The following KCNC2 variants were observed in gnomAD, a reference collection of about 807,000 sequenced individuals.
KCNC2 encodes potassium voltage-gated channel subfamily C member 2.
Under a neutral mutation model 44.5 loss-of-function variants are expected in KCNC2, and 21 were observed. The observed-to-expected ratio is 0.47, with a 90% CI of 0.33 to 0.68. The LOEUF is 0.68. KCNC2 is among the 30% of genes least tolerant of loss of function. The probability of loss-of-function intolerance (pLI) is 0.01; values close to 1 mark genes in which losing one functional copy is unlikely to be tolerated. For synonymous variants in KCNC2, 391 were observed against 339.1 expected (o/e 1.15, Z -1.68); for missense variants, 589 against 826.2 (o/e 0.71, Z 3.52).
At chr12:75,197,051 C>A (rs2030832008) in intron 2 of KCNC2, among the ~76,000 whole-genome samples, 1 of 152,034 alleles carries the variant, frequency 6.6e-6, no homozygotes, top group Admixed American at 6.6e-5. Context: ...ATGAATCATA[C>A]CCAAATCCCA....
intron 2 of KCNC2, among the ~76,000 whole-genome samples, chr12:75,057,059 C>T (rs763023895): frequency 6.6e-6 from 1 of 151,922 alleles, no homozygotes; most frequent in African/African-American, 2.4e-5. Flanking sequence ...CTACAAAAAA[C>T]TTTAAGCATG....
At chr12:75,118,676 GT>G (rs1489524315) in intron 2 of KCNC2, among the ~76,000 whole-genome samples, 1 of 152,168 alleles carries the variant, frequency 6.6e-6, no homozygotes, top group Non-Finnish European at 1.5e-5. Flanking sequence ...TTTTATTCTA[GT>G]TAAGAAGGGA....
chr12:75,092,864 A>T (rs1885602294), intron 2 of KCNC2, among the ~76,000 whole-genome samples: 1 of 151,650 alleles, frequency 6.6e-6, no homozygotes, highest in South Asian at 2.1e-4. Flanking sequence ...GCTGAAAATT[A>T]AGCCTAATAT....
intron 2 of KCNC2, among the ~76,000 whole-genome samples, chr12:75,170,273 G>A (rs1185847759): frequency 3.3e-5 from 5 of 151,686 alleles, no homozygotes; most frequent in Non-Finnish European, 7.4e-5. Context: ...CTTAAAGGGA[G>A]TAAGTGATTT....
intron 2 of KCNC2, among the ~76,000 whole-genome samples, chr12:75,084,183 A>G (rs1884752155): frequency 6.6e-6 from 1 of 151,940 alleles, no homozygotes; most frequent in Admixed American, 6.6e-5. Context: ...ATCGGTATAA[A>G]ATAAAAATCT....
chr12:75,137,126 C>G (rs1463414821), intron 2 of KCNC2, among the ~76,000 whole-genome samples: 1 of 152,132 alleles, frequency 6.6e-6, no homozygotes, highest in Non-Finnish European at 1.5e-5. Flanking sequence ...TAGGGCTTCT[C>G]TTTTCTCTTC....
chr12:75,115,748 G>A (rs1212141106), intron 2 of KCNC2, among the ~76,000 whole-genome samples: 1 of 151,788 alleles, frequency 6.6e-6, no homozygotes, highest in Non-Finnish European at 1.5e-5. Flanking sequence ...GTGATTCTTC[G>A]TATCTTTTTT....
At chr12:75,118,912 G>A (rs182747623) in intron 2 of KCNC2, among the ~76,000 whole-genome samples, 4 of 152,172 alleles carry the variant, frequency 2.6e-5, no homozygotes, top group South Asian at 2.1e-4. Flanking sequence ...ATGCTTTCAC[G>A]GTTTATAGGC....
intron 2 of KCNC2, among the ~76,000 whole-genome samples, chr12:75,072,826 G>A (rs370905401): frequency 3.3e-5 from 5 of 152,026 alleles, no homozygotes; most frequent in Non-Finnish European, 5.9e-5. Flanking sequence ...AAAGGCCTTC[G>A]ATCTGACATG....
Position 75,209,247 on chromosome 12 carries a change from C to T in KCNC2, c.-60G>A, listed in dbSNP as rs967588839. The T allele has an allele frequency of 2.0e-5, 3 of 152,214 alleles. No homozygotes were observed. The highest frequency in any genetic ancestry group is 2.0e-4 in the Admixed American group (3 of 15,280). The allele number at this position is 152,214 out of a possible 1,614,324, so 9.4% of individuals were successfully genotyped here. On this transcript the variant is annotated 5_prime_UTR_variant, in exon 1 of 5. Coordinates refer to ENST00000549446, the MANE Select transcript of KCNC2 (RefSeq NM_139137.4). The stretch of plus-strand genomic sequence containing the variant: ...AGAAAAGTGGTTCTGCTTTGGTTTC[C>T]GAGTGGACGAGGTTCTCTGGGCAGC...
chr12:75,064,695 G>A (rs1400369463), intron 2 of KCNC2, among the ~76,000 whole-genome samples: 2 of 152,014 alleles, frequency 1.3e-5, no homozygotes, highest in African/African-American at 4.8e-5. Flanking sequence ...TGCTTTCAAA[G>A]GTTGACATTG....
chr12:75,086,651 T>A (rs1885020856), intron 2 of KCNC2, among the ~76,000 whole-genome samples: 1 of 88,586 alleles, frequency 1.1e-5, no homozygotes, highest in African/African-American at 4.9e-5. Context: ...AAAAAGCAAG[T>A]TCATTTGGCA....
intron 2 of KCNC2, among the ~76,000 whole-genome samples, chr12:75,076,350 GC>G (rs1276567674): frequency 8.6e-5 from 5 of 58,332 alleles, no homozygotes; most frequent in African/African-American, 1.4e-4. Context: ...TCGACTCACT[GC>G]AAGCTCCGCC....
chr12:75,139,000 A>AAG, intron 2 of KCNC2, among the ~76,000 whole-genome samples: 1 of 147,710 alleles, frequency 6.8e-6, no homozygotes, highest in Middle Eastern at 3.5e-3. Context: ...AAAAAAAAAA[A>AAG]AAAAAACCAA....
At chr12:75,047,677 C>T (rs1460377595) in intron 4 of KCNC2, among the ~76,000 whole-genome samples, 14 of 151,906 alleles carry the variant, frequency 9.2e-5, no homozygotes, top group African/African-American at 3.4e-4. Flanking sequence ...GCAAAAACTA[C>T]CTATGTACTG....
chr12:75,170,895 T>C (rs1263650349), intron 2 of KCNC2, among the ~76,000 whole-genome samples: 2 of 151,780 alleles, frequency 1.3e-5, no homozygotes, highest in Non-Finnish European at 2.9e-5. Flanking sequence ...GCATACTCAT[T>C]TGGGGGCGGG....
At chr12:75,182,297 G>C (rs923894429) in intron 2 of KCNC2, among the ~76,000 whole-genome samples, 1 of 151,402 alleles carries the variant, frequency 6.6e-6, no homozygotes, top group Non-Finnish European at 1.5e-5. Flanking sequence ...GGCCGAGGGG[G>C]GCAGATCACA....
At chr12:75,120,939 A>G (rs555631359) in intron 2 of KCNC2, among the ~76,000 whole-genome samples, 1 of 152,326 alleles carries the variant, frequency 6.6e-6, no homozygotes, top group Non-Finnish European at 1.5e-5. Flanking sequence ...AGATGTAACT[A>G]TATTGTATCC....
rs754527419 is a variant in KCNC2, at chr12:75,207,896, G to A, written c.88C>T (p.Pro30Ser). 1 of 1,612,814 alleles carries A rather than the reference G, an allele frequency of 6.2e-7. No homozygotes were observed. The highest frequency in any genetic ancestry group is 1.7e-5 in the Admixed American group (1 of 60,006). ...ETYRSTLKTL[P>S]GTRLALLASS... is the part of the protein sequence containing the mutation. ...GCAAGAAGGGCCAGGCGTGTTCCAG[G>A]CAGGGTCTTGAGGGTGCTGCGGTAG... Residue 30 changes from proline (P) to serine (S), a missense_variant, in exon 2 of 5, where the codon CCT becomes TCT. Transcript: ENST00000549446. This position sits in a 1 kb window ranked among gnomAD's most constrained non-coding sequence, Gnocchi z 4.1.
Sources: allele counts gnomAD v4.1 joint callset (sites outside exome capture counted in the v4.1 genomes callset), GRCh38; gene constraint gnomAD v4.1.1; non-coding constraint Gnocchi (gnomAD v3.1); transcripts MANE v1.5; gene names NCBI Gene and HGNC (gene_info 2026-07-23, HGNC 2026-07-21).